Variants in DENND4C observed in about 807,000 individuals in gnomAD.
The protein encoded by DENND4C is DENN domain-containing protein 4C.
A neutral mutation model predicts 203.0 loss-of-function variants in DENND4C; 108 were observed. The observed-to-expected ratio is 0.53, with a 90% CI of 0.46 to 0.62. DENND4C has a LOEUF of 0.62. DENND4C is among the 20% of genes least tolerant of loss of function. The pLI is 0.00. For missense variants in DENND4C, 2,481 were observed against 2,301.2 expected, an observed-to-expected ratio of 1.08 and a Z score of -1.60; for synonymous variants, 871 against 792.4, an observed-to-expected ratio of 1.10 and a Z score of -1.67.
chr9:19,237,723 A>T (rs934164050), intron 1 of DENND4C, among the ~76,000 whole-genome samples: 1 of 152,180 alleles, frequency 6.6e-6, no homozygotes, highest in Non-Finnish European at 1.5e-5. Context: ...TCCAATCTGT[A>T]TGCCTTTTTT....
In DENND4C at chr9:19,299,217, T is replaced by G. The variant is rs1563777149; in HGVS notation, c.1108-12T>G. The G allele has an allele frequency of 1.3e-6, 2 of 1,556,658 alleles. No individual in the cohort carries two copies. The highest frequency in any genetic ancestry group is 1.7e-6 in the Non-Finnish European group (2 of 1,159,016). ...TTATCTTTGGTTAATTTATCTTTTT[T>G]TTTTTTTTAAGCTGTCAGTCCATGA... On this transcript the variant is annotated splice_polypyrimidine_tract_variant and intron_variant, in intron 7 of 32. Coordinates refer to ENST00000434457, the MANE Select transcript of DENND4C (RefSeq NM_001330640.2).
chr9:19,252,712 TACACACAC>T (rs10611179), intron 1 of DENND4C, among the ~76,000 whole-genome samples: 8,729 of 149,716 alleles, frequency 0.058, 377 homozygotes, highest in African/African-American at 0.12. Flanking sequence ...AGCGTGTGTA[TACACACAC>T]ACACACACAC....
At chr9:19,311,614 G>C (rs924993096) in intron 10 of DENND4C, among the ~76,000 whole-genome samples, 1 of 152,136 alleles carries the variant, frequency 6.6e-6, no homozygotes, top group Non-Finnish European at 1.5e-5. Context: ...CAAAGACTAT[G>C]AAGACTTTTC....
At chr9:19,316,877 T>G (rs1333731179) in intron 12 of DENND4C, 38 bp downstream of exon 12, 2 of 1,514,088 alleles carry the variant, frequency 1.3e-6, no homozygotes, top group South Asian at 1.3e-5. Flanking sequence ...TTTATTGAGG[T>G]GAAAAATATT....
intron 1 of DENND4C, among the ~76,000 whole-genome samples, chr9:19,232,369 G>A (rs1396995866): frequency 1.3e-5 from 2 of 152,072 alleles, no homozygotes; most frequent in Non-Finnish European, 2.9e-5. Context: ...TTGAGATTAG[G>A]GGTCTGATCT....
At chr9:19,311,645 A>C (rs554048597) in intron 10 of DENND4C, among the ~76,000 whole-genome samples, 54 of 152,332 alleles carry the variant, frequency 3.5e-4, no homozygotes, top group Admixed American at 2.6e-3. Flanking sequence ...AAATAAGCTT[A>C]AGCTTATTTA....
intron 12 of DENND4C, among the ~76,000 whole-genome samples, chr9:19,317,289 G>A (rs926448803): frequency 9.9e-5 from 15 of 151,504 alleles, no homozygotes; most frequent in Admixed American, 3.3e-4. Flanking sequence ...CAAAATGCTG[G>A]GATTACAGGT....
At chr9:19,348,053 TATA>T (rs1308322793) in intron 23 of DENND4C, among the ~76,000 whole-genome samples, 1 of 152,240 alleles carries the variant, frequency 6.6e-6, no homozygotes, top group African/African-American at 2.4e-5. Context: ...GGCAGATATG[TATA>T]ATGTTTGCTC....
chr9:19,321,450 GGGAA>G (rs1332120137), intron 12 of DENND4C, among the ~76,000 whole-genome samples: 1 of 152,068 alleles, frequency 6.6e-6, no homozygotes, highest in Non-Finnish European at 1.5e-5. Flanking sequence ...ACAGAAAAAA[GGGAA>G]GGAGCAGATC....
Position 19,371,818 on chromosome 9 carries a change from T to C in DENND4C, c.5738T>C (p.Ile1913Thr), listed in dbSNP as rs941514499. ...LVSLGRENID[I>T]EAFDNEYGIA... ...TCTCTAGGAAGAGAGAATATTGATATTGGTAAGTTGGTTAATAAAAGATTA... is the reference window on the plus strand; with the variant it reads ...TCTCTAGGAAGAGAGAATATTGATACTGGTAAGTTGGTTAATAAAAGATTA... Residue 1913 changes from isoleucine (I) to threonine (T), a missense_variant and splice_region_variant, in exon 32 of 33, where the codon ATT becomes ACT. By Grantham distance (89) the Ile-to-Thr change is moderately conservative. This residue lies in a region of DENND4C where 2,289 missense variants were observed against 2,113.3 expected (regional missense o/e 1.08). Transcript: ENST00000434457. The C allele has an allele frequency of 1.4e-6, 2 of 1,443,246 alleles. No individual in the cohort carries two copies. Among genetic ancestry groups the C allele is most frequent in the Non-Finnish European group, 1.9e-6 (2 of 1,042,508 alleles). 89.4% of individuals were successfully genotyped at this position (1,443,246 alleles called of 1,614,324 possible). A position where few individuals can be genotyped will look rare whatever the true frequency, so the allele number is the denominator to read the frequency against.
intron 1 of DENND4C, among the ~76,000 whole-genome samples, chr9:19,275,364 C>T (rs1300926143): frequency 6.9e-6 from 1 of 145,824 alleles, no homozygotes; most frequent in East Asian, 2.1e-4. Flanking sequence ...GCAATTTGGG[C>T]TCACTGAAAC....
intron 1 of DENND4C, among the ~76,000 whole-genome samples, chr9:19,269,855 T>C (rs976298913): frequency 7.9e-5 from 12 of 152,176 alleles, no homozygotes; most frequent in Non-Finnish European, 1.0e-4. Flanking sequence ...TAGGTATTTA[T>C]GGTAGTCTTC....
chr9:19,268,772 C>G (rs920373054), intron 1 of DENND4C, among the ~76,000 whole-genome samples: 2 of 152,170 alleles, frequency 1.3e-5, no homozygotes, highest in African/African-American at 4.8e-5. Flanking sequence ...TCTCTCCTAG[C>G]CTGTAAAGTT....
At chr9:19,258,160 A>G (rs374513579) in intron 1 of DENND4C, among the ~76,000 whole-genome samples, 1 of 152,144 alleles carries the variant, frequency 6.6e-6, no homozygotes, top group African/African-American at 2.4e-5. Flanking sequence ...AATCAAGAAG[A>G]AATAGGCAAG....
intron 1 of DENND4C, among the ~76,000 whole-genome samples, chr9:19,273,200 C>G (rs138020744): frequency 0.021 from 3,211 of 151,862 alleles, 172 homozygotes; most frequent in African/African-American, 0.073. Context: ...ATCCACCTGC[C>G]TCGGCCTCCC....
intron 1 of DENND4C, among the ~76,000 whole-genome samples, chr9:19,258,246 G>T (rs1412662184): frequency 6.6e-6 from 1 of 152,158 alleles, no homozygotes; most frequent in Admixed American, 6.6e-5. Context: ...CCAGACTCAT[G>T]TAATTTCACA....
At chr9:19,231,771 T>A (rs1338149228) in intron 1 of DENND4C, among the ~76,000 whole-genome samples, 1 of 151,982 alleles carries the variant, frequency 6.6e-6, no homozygotes, top group Non-Finnish European at 1.5e-5. Flanking sequence ...TCTTTGTGCC[T>A]CCGAGATACT....
chr9:19,368,977 C>T (rs1352421982), intron 30 of DENND4C, among the ~76,000 whole-genome samples: 3 of 151,800 alleles, frequency 2.0e-5, no homozygotes, highest in African/African-American at 7.3e-5. Context: ...TAGCAAGACC[C>T]TATCTCTACA....
chr9:19,280,068 G>GT (rs1317517566), intron 2 of DENND4C, among the ~76,000 whole-genome samples: 1 of 152,076 alleles, frequency 6.6e-6, no homozygotes, highest in Non-Finnish European at 1.5e-5. Flanking sequence ...AACAGCATAG[G>GT]TGACTGGATT....
Sources: gnomAD v4.1 joint callset for allele counts (sites outside exome capture counted in the v4.1 genomes callset) on GRCh38, gnomAD v4.1.1 for gene constraint, gnomAD v4.1.1 regional missense constraint, MANE v1.5 for transcripts, NCBI Gene and HGNC (gene_info 2026-07-23, HGNC 2026-07-21) for gene names.